Variants in LRRK1 observed in about 807,000 individuals in gnomAD.
LRRK1 encodes leucine rich repeat kinase 1.
A neutral mutation model predicts 209.1 loss-of-function variants in LRRK1; 113 were observed. The ratio of observed to expected loss-of-function variants is 0.54; its 90% CI spans 0.46 to 0.63. LRRK1 has a LOEUF of 0.63. LRRK1 is among the 30% of genes least tolerant of loss of function. LRRK1 has a pLI of 0.00. For synonymous variants in LRRK1, 1,144 were observed against 1,099.7 expected (o/e 1.04, Z -0.80); for missense variants, 2,284 against 2,632.2 (o/e 0.87, Z 2.89).
At chr15:100,974,435 G>GGTT (rs1484633349) in intron 3 of LRRK1, among the ~76,000 whole-genome samples, 1 of 48,994 alleles carries the variant, frequency 2.0e-5, no homozygotes, top group Non-Finnish European at 3.7e-5. Flanking sequence ...GAGCATACAT[G>GGTT]GTTGTTGTTG....
At chr15:100,922,342 CAG>C (rs1445955513) in intron 1 of LRRK1, among the ~76,000 whole-genome samples, 4 of 152,132 alleles carry the variant, frequency 2.6e-5, no homozygotes, top group African/African-American at 7.2e-5. Context: ...GCTCCAGGGG[CAG>C]AGTCTTCCAC....
rs1016518186 is a variant in LRRK1, at chr15:101,008,619, T to A, written c.763-218T>A. ...TGACTTGCAGGCGCTGTGCACAGAT[T>A]GCCTGTGAGACGCAGGTGCCGATGG... On this transcript the variant is annotated intron_variant, in intron 6 of 33. Transcript: ENST00000388948. Among the ~76,000 whole-genome samples the A allele has an allele frequency of 2.6e-5, 4 of 152,330 alleles. No individual in the cohort carries two copies. The South Asian group carries it at 8.3e-4, about 32-fold the overall frequency.
At chr15:100,930,572 G>A (rs1026024206) in intron 2 of LRRK1, among the ~76,000 whole-genome samples, 8 of 152,192 alleles carry the variant, frequency 5.3e-5, no homozygotes, top group Non-Finnish European at 1.0e-4. Flanking sequence ...CTTTATGTGG[G>A]GTGTGCAGGG....
At chr15:101,014,146 C>G (rs78893556) in intron 10 of LRRK1, among the ~76,000 whole-genome samples, 170 bp from the exon 11 acceptor site, 2 of 152,104 alleles carry the variant, frequency 1.3e-5, no homozygotes, top group Non-Finnish European at 2.9e-5. Flanking sequence ...GATATCATTT[C>G]GTGAGTTTGA....
chr15:101,018,644 C>T lies in LRRK1; in HGVS notation c.1610-2409C>T, dbSNP rs60715040. Reference sequence around the variant, plus strand: ...TGCATGGAAAAGCACCATAGGACTACGCGCGGTACCAATGCTCTAGAAAGT... The same window carrying T: ...TGCATGGAAAAGCACCATAGGACTATGCGCGGTACCAATGCTCTAGAAAGT... On this transcript the variant is annotated intron_variant, in intron 12 of 33. Coordinates refer to ENST00000388948, the MANE Select transcript of LRRK1 (RefSeq NM_024652.6). Among the ~76,000 whole-genome samples, 656 of 152,320 alleles carry T rather than the reference C, an allele frequency of 4.3e-3. 10 individuals carry two copies. Among genetic ancestry groups the T allele is most frequent in the African/African-American group, 0.015 (627 of 41,556 alleles).
intron 30 of LRRK1, among the ~76,000 whole-genome samples, chr15:101,062,217 T>C (rs1379317053): frequency 6.6e-6 from 1 of 152,182 alleles, no homozygotes; most frequent in Non-Finnish European, 1.5e-5. Flanking sequence ...CTGTCTCACA[T>C]GGGAAGAACA....
Position 100,962,804 on chromosome 15 carries a change from T to TACATATATATATATACAC in LRRK1, c.98-10999_98-10998insCATATATATATATACACA, listed in dbSNP as rs1252133441. ...AATTATTTCATTTTGCATATATATA[T>TACATATATATATATACAC]ATATATATATATATATATATTTTTT... On this transcript the variant is annotated intron_variant, in intron 2 of 33. Transcript: ENST00000388948. Among the ~76,000 whole-genome samples the TACATATATATATATACAC allele has an allele frequency of 1.4e-3, 53 of 37,154 alleles. 8 individuals are homozygous for TACATATATATATATACAC. The highest frequency in any genetic ancestry group is 2.0e-3 in the Non-Finnish European group (37 of 18,432). The allele number at this position is 37,154 out of a possible 152,430, so 24.4% of individuals were successfully genotyped here. A position where few individuals can be genotyped will look rare whatever the true frequency, so the allele number is the denominator to read the frequency against.
chr15:101,067,243 T>C (rs910646475), intron 33 of LRRK1: 1 of 456,250 alleles, frequency 2.2e-6, no homozygotes, highest in Non-Finnish European at 4.4e-6. Flanking sequence ...CCCCCAGGAT[T>C]ATGCCAGTCT....
chr15:100,948,351 C>T (rs1180623974), intron 2 of LRRK1, among the ~76,000 whole-genome samples: 1 of 152,150 alleles, frequency 6.6e-6, no homozygotes. Context: ...TCATGGGTTT[C>T]GTCCCCGCCG....
At chr15:101,014,262 CCTT>C in intron 10 of LRRK1, 51 bp from the exon 11 acceptor site, 1 of 1,284,048 alleles carries the variant, frequency 7.8e-7, no homozygotes, top group South Asian at 1.2e-5. Context: ...GTCTCCCCTC[CCTT>C]CTTGTATCTG....
intron 31 of LRRK1, 85 bp downstream of exon 31, chr15:101,062,775 C>G: frequency 1.0e-6 from 1 of 967,754 alleles, no homozygotes; most frequent in Admixed American, 1.7e-5. Context: ...CAGGGTGGCG[C>G]CTGCAGAGCC....
Position 100,994,432 on chromosome 15 carries a change from A to C in LRRK1, c.762+5034A>C, listed in dbSNP as rs1167652352. The stretch of plus-strand genomic sequence containing the variant: ...TTTAGAAATTCTCCAGGTGATTCCA[A>C]TGTGCACCCAAGGTCAAGAGCCAGT... On this transcript the variant is annotated intron_variant, in intron 6 of 33. Coordinates refer to ENST00000388948, the MANE Select transcript of LRRK1 (RefSeq NM_024652.6). 1.3e-5 allele frequency among the ~76,000 whole-genome samples: 2 copies of C among 152,158 alleles called. 1 individual carries two copies. Among genetic ancestry groups the C allele is most frequent in the Non-Finnish European group, 2.9e-5 (2 of 68,022 alleles).
chr15:101,015,273 GTAAT>G, intron 11 of LRRK1, 49 bp from the exon 12 acceptor site: 1 of 1,418,078 alleles, frequency 7.1e-7, no homozygotes, highest in African/African-American at 1.4e-5. Context: ...ACAGCCAAAA[GTAAT>G]GCTTTTGTCG....
At chr15:101,009,160 A>T (rs568964231) in intron 7 of LRRK1, 97 bp downstream of exon 7, 146 of 977,724 alleles carry the variant, frequency 1.5e-4, no homozygotes, top group Admixed American at 9.4e-5. Flanking sequence ...GTTTTGGGGG[A>T]AAAATGTTCT....
intron 4 of LRRK1, among the ~76,000 whole-genome samples, chr15:100,984,300 A>C (rs1458969210): frequency 6.6e-6 from 1 of 152,224 alleles, no homozygotes; most frequent in East Asian, 1.9e-4. Context: ...CAACTGATCA[A>C]CTAATATTGA....
intron 6 of LRRK1, among the ~76,000 whole-genome samples, chr15:101,000,753 A>G (rs1271506811): frequency 6.6e-6 from 1 of 152,174 alleles, no homozygotes; most frequent in Non-Finnish European, 1.5e-5. Flanking sequence ...AACACCAGTC[A>G]TGTTGGATGA....
rs181681418 is a variant in LRRK1, at chr15:100,983,471, G to C, written c.262-57G>C. ...CCTGGTGAAGGGTTTAACGTCAGTT[G>C]TCTTGGCAGTTCCTAATAGAGCCAG... is the stretch of plus-strand genomic sequence containing the variant. On this transcript the variant is annotated intron_variant, in intron 3 of 33. Coordinates refer to ENST00000388948, the MANE Select transcript of LRRK1 (RefSeq NM_024652.6). 2,213 of 1,486,962 alleles carry C rather than the reference G, an allele frequency of 1.5e-3. 33 individuals are homozygous for C. The African/African-American group carries it at 0.028, about 19-fold the overall frequency. 92.1% of individuals were successfully genotyped at this position (1,486,962 alleles called of 1,614,324 possible).
intron 2 of LRRK1, among the ~76,000 whole-genome samples, chr15:100,972,363 A>AGAGAGAGAGTGTGTGTGTGTGT (rs1176201849): frequency 2.0e-5 from 2 of 98,476 alleles, no homozygotes; most frequent in Non-Finnish European, 3.8e-5. Context: ...AGAGAGAGAG[A>AGAGAGAGAGTGTGTGTGTGTGT]GTGTGTGTGT....
At chr15:101,057,086 C>A (rs775110424) in intron 28 of LRRK1, 36 bp downstream of exon 28, 1 of 1,526,680 alleles carries the variant, frequency 6.6e-7, no homozygotes, top group East Asian at 2.3e-5. Flanking sequence ...CCTGGGACCT[C>A]CTGCCATGTG....
Sources: allele counts gnomAD v4.1 joint callset (sites outside exome capture counted in the v4.1 genomes callset), GRCh38; gene constraint gnomAD v4.1.1; transcripts MANE v1.5; gene names NCBI Gene and HGNC (gene_info 2026-07-23, HGNC 2026-07-21).